PVALEF: variants seen among roughly 807,000 people sequenced by gnomAD.
The protein encoded by PVALEF is parvalbumin like EF-hand containing, also known as parvalbumin-like EF-hand-containing protein.
A neutral mutation model predicts 1.2 loss-of-function variants in PVALEF; 2 were observed. That is an observed-to-expected ratio of 1.68 (90% CI 0.69 to 5.28). The LOEUF is 5.28. Among genes scored for constraint, PVALEF ranks in the 30% most tolerant of loss-of-function variants. The pLI is 0.06. For missense variants in PVALEF, 35 were observed against 17.7 expected (o/e 1.97, Z -1.75); for synonymous variants, 16 against 6.5 (o/e 2.47, Z -2.24).
chr17:81,166,484 AG>A (rs1328840268), intron 1 of PVALEF, among the ~76,000 whole-genome samples, 192 bp from the exon 2 acceptor site: 2 of 63,042 alleles, frequency 3.2e-5, no homozygotes, highest in Non-Finnish European at 5.7e-5. Context: ...CCTGGGGCTG[AG>A]GGGGGCACGG....
At chr17:81,174,503 G>A (rs145210736) in intron 2 of PVALEF, among the ~76,000 whole-genome samples, 12,549 of 151,812 alleles carry the variant, frequency 0.083, 637 homozygotes, top group East Asian at 0.17. Flanking sequence ...GATGGCACGC[G>A]CCTGTAGTCC....
intron 2 of PVALEF, among the ~76,000 whole-genome samples, chr17:81,173,550 T>A (rs1020138582): frequency 6.6e-6 from 1 of 152,138 alleles, no homozygotes; most frequent in African/African-American, 2.4e-5. Context: ...TCTTGCTCTA[T>A]AGGAAAGCAC....
intron 2 of PVALEF, among the ~76,000 whole-genome samples, chr17:81,178,412 G>A (rs1432296753): frequency 2.6e-5 from 4 of 152,162 alleles, no homozygotes; most frequent in East Asian, 1.9e-4. Context: ...GAAGGTAACC[G>A]TGCCCCTGGT....
chr17:81,172,909 T>C (rs1486097860), intron 2 of PVALEF, among the ~76,000 whole-genome samples: 1 of 151,336 alleles, frequency 6.6e-6, no homozygotes, highest in Non-Finnish European at 1.5e-5. Flanking sequence ...TCATCTCAGC[T>C]CTGTGTAAGA....
intron 2 of PVALEF, among the ~76,000 whole-genome samples, chr17:81,174,059 A>T (rs2061528991): frequency 6.6e-6 from 1 of 152,218 alleles, no homozygotes; most frequent in Admixed American, 6.5e-5. Context: ...TGATTATCTC[A>T]ACCAATGCAG....
intron 2 of PVALEF, among the ~76,000 whole-genome samples, chr17:81,178,679 TG>T (rs111698604): frequency 0.01 from 1,524 of 151,614 alleles, 29 homozygotes; most frequent in African/African-American, 0.035. Context: ...GCACCAGAGC[TG>T]GGGGGGGCAG....
intron 3 of PVALEF, among the ~76,000 whole-genome samples, chr17:81,179,513 G>C (rs1400410618): frequency 6.6e-6 from 1 of 152,192 alleles, no homozygotes; most frequent in East Asian, 1.9e-4. Context: ...TCTGTCCCTA[G>C]GCCCCCAGGC....
At position 81,181,196 on chromosome 17, in the gene PVALEF, C is replaced by G; in HGVS notation, c.-31C>G. The G allele has an allele frequency of 2.8e-6, 2 of 703,154 alleles. No individual in the cohort carries two copies. The highest frequency in any genetic ancestry group is 5.2e-6 in the Non-Finnish European group (2 of 384,744). The allele number at this position is 703,154 out of a possible 1,614,324, so 43.6% of individuals were successfully genotyped here. On this transcript the variant is annotated 5_prime_UTR_variant, in exon 4 of 7. Coordinates refer to ENST00000637878, the MANE Select transcript of PVALEF (RefSeq NM_001354639.2). ...ACCCCCAATCCGTGCGTGCACCCCA[C>G]GAATTGACTCCCTATCCACCCAGGA...
intron 5 of PVALEF, 82 bp from the exon 6 acceptor site, chr17:81,181,884 A>G: frequency 2.5e-6 from 1 of 398,264 alleles, no homozygotes; most frequent in Non-Finnish European, 4.4e-6. Flanking sequence ...CCTTGCCTAC[A>G]AGGTGGGGGG....
At chr17:81,177,178 C>T (rs1339033836) in intron 2 of PVALEF, among the ~76,000 whole-genome samples, 1 of 139,496 alleles carries the variant, frequency 7.2e-6, no homozygotes. Flanking sequence ...CCACTCGCCT[C>T]GGCCTCCCAA....
intron 4 of PVALEF, 68 bp from the exon 5 acceptor site, chr17:81,181,491 G>T (rs1049511286): frequency 4.1e-6 from 2 of 491,610 alleles, no homozygotes; most frequent in Non-Finnish European, 7.1e-6. Flanking sequence ...ATCCCAGGGC[G>T]GGGTCTTCCC....
chr17:81,173,467 A>G (rs2061527084), intron 2 of PVALEF, among the ~76,000 whole-genome samples: 1 of 152,154 alleles, frequency 6.6e-6, no homozygotes, highest in African/African-American at 2.4e-5. Context: ...CTCATGCTAC[A>G]CACAGATGCC....
intron 2 of PVALEF, among the ~76,000 whole-genome samples, chr17:81,169,601 G>A (rs1267610748): frequency 6.6e-6 from 1 of 151,110 alleles, no homozygotes. Flanking sequence ...GTGTGTGTGG[G>A]CGGGGTCGCC....
At chr17:81,181,008 G>A (rs990756669) in intron 3 of PVALEF, 115 bp from the exon 4 acceptor site, 33 of 506,312 alleles carry the variant, frequency 6.5e-5, no homozygotes, top group Non-Finnish European at 8.8e-5. Context: ...GGCCCCTCCC[G>A]CTGACCCCTC....
In PVALEF at chr17:81,183,039, G is replaced by A; in HGVS notation, c.*28G>A. ...CCATGACTAGCCCTGGCCAGCCAAG[G>A]GGCTCCCATGGGGTAACCGGGGTGA... is the stretch of plus-strand genomic sequence containing the variant. On this transcript the variant is annotated 3_prime_UTR_variant, in exon 7 of 7. Transcript: ENST00000637878. 2.5e-6 allele frequency: 1 copy of A among 398,704 alleles called. No individual in the cohort carries two copies. Among genetic ancestry groups the A allele is most frequent in the African/African-American group, 2.1e-5 (1 of 48,780 alleles). 24.7% of individuals were successfully genotyped at this position (398,704 alleles called of 1,614,324 possible).
At chr17:81,172,229 T>A (rs1438489025) in intron 2 of PVALEF, among the ~76,000 whole-genome samples, 3 of 152,094 alleles carry the variant, frequency 2.0e-5, no homozygotes, top group Non-Finnish European at 2.9e-5. Context: ...CAGACTGCAA[T>A]GTTATTAGTG....
chr17:81,174,876 T>C (rs1389278803), intron 2 of PVALEF, among the ~76,000 whole-genome samples: 1 of 144,748 alleles, frequency 6.9e-6, no homozygotes, highest in Non-Finnish European at 1.5e-5. Context: ...GCGAACCTGG[T>C]AGGCGGAGGT....
rs1486065211 is a variant in PVALEF at position 81,165,653 on chromosome 17, C to A, written c.-602C>A. ...GACCAACTCTCCTGGACACCAGGGG[C>A]CCACGCAGGCCCTCCGTGCCCCAGT... On this transcript the variant is annotated 5_prime_UTR_variant, in exon 1 of 7. Transcript: ENST00000637878. 6.7e-7 allele frequency: 1 copy of A among 1,489,642 alleles called. No homozygotes were observed. The highest frequency in any genetic ancestry group is 8.9e-7 in the Non-Finnish European group (1 of 1,117,470). The allele number at this position is 1,489,642 out of a possible 1,614,324, so 92.3% of individuals were successfully genotyped here. A position where few individuals can be genotyped will look rare whatever the true frequency, so the allele number is the denominator to read the frequency against.
At chr17:81,166,623 G>A (rs1006014860) in intron 1 of PVALEF, 54 bp from the exon 2 acceptor site, 2 of 448,258 alleles carry the variant, frequency 4.5e-6, no homozygotes, top group African/African-American at 2.0e-5. Context: ...GGGGGAACCC[G>A]GGAGCACACC....
Sources: gnomAD v4.1 joint callset for allele counts (sites outside exome capture counted in the v4.1 genomes callset) on GRCh38, gnomAD v4.1.1 for gene constraint, MANE v1.5 for transcripts, NCBI Gene and HGNC (gene_info 2026-07-23, HGNC 2026-07-21) for gene names.